The following SPAST variants were observed in gnomAD, a reference collection of about 807,000 sequenced individuals.
The protein encoded by SPAST is spastin.
A neutral mutation model predicts 76.6 loss-of-function variants in SPAST; 30 were observed. The observed-to-expected ratio is 0.39, with a 90% CI of 0.29 to 0.53. SPAST has a LOEUF of 0.53. Among genes scored for constraint, SPAST ranks in the 20% least tolerant of loss-of-function variants. SPAST has a pLI of 0.68. For missense variants in SPAST, 717 were observed against 770.5 expected (o/e 0.93, Z 0.82); for synonymous variants, 305 against 281.0 (o/e 1.09, Z -0.86).
chr2:32,076,180 C>T (rs1174517661), intron 1 of SPAST, among the ~76,000 whole-genome samples: 2 of 151,826 alleles, frequency 1.3e-5, no homozygotes, highest in Non-Finnish European at 2.9e-5. Flanking sequence ...GGATTATAGG[C>T]GTGAGTCGCT....
At chr2:32,126,645 A>AT (rs1194975479) in intron 7 of SPAST, 3,817 of 191,208 alleles carry the variant, frequency 0.02, 4 homozygotes, top group South Asian at 0.039. Flanking sequence ...CACCCAGCTA[A>AT]TTTTTTTTTT....
chr2:32,110,112 T>C (rs577862954), intron 4 of SPAST, among the ~76,000 whole-genome samples: 1 of 148,134 alleles, frequency 6.8e-6, no homozygotes, highest in African/African-American at 2.5e-5. Context: ...TTGTTTTTTT[T>C]TTTTGTTTTT....
In SPAST at chr2:32,116,174, T is replaced by G; in HGVS notation, c.1060T>G (p.Leu354Val). Reference protein sequence around the residue: ...IAGQDLAKQALQEIVILPSLR... With the variant: ...IAGQDLAKQAVQEIVILPSLR... ...TGGTCAAGACTTGGCAAAACAAGCA[T>G]TGCAAGAAATTGTTATTCTTCCTTC... Residue 354 changes from leucine (L) to valine (V), a missense_variant, in exon 7 of 17, where the codon TTG (leucine) becomes GTG (valine). Physicochemically the swap from Leu to Val is conservative, Grantham distance 32. Transcript: ENST00000315285. The G allele has an allele frequency of 6.2e-7, 1 of 1,613,488 alleles. No individual in the cohort carries two copies. The highest frequency in any genetic ancestry group is 8.5e-7 in the Non-Finnish European group (1 of 1,179,604).
intron 16 of SPAST, among the ~76,000 whole-genome samples, chr2:32,153,266 C>T (rs1680146490): frequency 6.6e-6 from 1 of 150,894 alleles, no homozygotes; most frequent in South Asian, 2.1e-4. Context: ...CAGGTATACG[C>T]TAGAAATGAT....
At chr2:32,136,996 G>C (rs1196670644) in intron 11 of SPAST, 28 bp downstream of exon 11, 1 of 1,561,780 alleles carries the variant, frequency 6.4e-7, no homozygotes, top group South Asian at 1.1e-5. Flanking sequence ...TATTTTTAAT[G>C]TGGCAGCATT....
intron 11 of SPAST, 67 bp downstream of exon 11, chr2:32,137,035 G>C: frequency 6.5e-7 from 1 of 1,542,488 alleles, no homozygotes; most frequent in Non-Finnish European, 8.9e-7. Context: ...AAATGGCCAA[G>C]GTTAAAAATA....
Position 32,097,838 on chromosome 2 carries a change from C to T in SPAST, c.587-958C>T, listed in dbSNP as rs143236526. ...CTTCCCGAGTAGTTGGGACTACAGG[C>T]GCGTGCCACCACGCCCGGATACTTT... is the stretch of plus-strand genomic sequence containing the variant. On this transcript the variant is annotated intron_variant, in intron 3 of 16. Transcript: ENST00000315285. Among the ~76,000 whole-genome samples, 101 of 152,010 alleles carry T rather than the reference C, an allele frequency of 6.6e-4. 3 individuals are homozygous for T. The East Asian group carries it at 0.018, about 27-fold the overall frequency.
At chr2:32,100,474 A>T (rs1376307780) in intron 4 of SPAST, among the ~76,000 whole-genome samples, 1 of 151,966 alleles carries the variant, frequency 6.6e-6, no homozygotes, top group African/African-American at 2.4e-5. Flanking sequence ...TATATTTTTA[A>T]TTACACTTTA....
chr2:32,098,179 C>T (rs72796857), intron 3 of SPAST, among the ~76,000 whole-genome samples: 3 of 151,846 alleles, frequency 2.0e-5, no homozygotes, highest in Non-Finnish European at 2.9e-5. Flanking sequence ...TTTTAATCTC[C>T]GTAGTGCCAG....
At position 32,154,587 on chromosome 2, in the gene SPAST, A is replaced by C. The variant is rs1178869271; in HGVS notation, c.*91A>C. On this transcript the variant is annotated 3_prime_UTR_variant, in exon 17 of 17. Transcript: ENST00000315285. ...CGTCATCGGCTACAGAAACAGCCTA[A>C]GTTTACAGGACTTTTTAGAGTCTTA... The C allele has an allele frequency of 1.5e-6, 2 of 1,338,516 alleles. No individual in the cohort carries two copies. The highest frequency in any genetic ancestry group is 1.4e-5 in the African/African-American group (1 of 69,216). The allele number at this position is 1,338,516 out of a possible 1,614,324, so 82.9% of individuals were successfully genotyped here. A position where few individuals can be genotyped will look rare whatever the true frequency, so the allele number is the denominator to read the frequency against.
intron 1 of SPAST, among the ~76,000 whole-genome samples, chr2:32,072,202 C>T (rs1471693198): frequency 8.1e-6 from 1 of 123,392 alleles, no homozygotes; most frequent in East Asian, 3.4e-4. Context: ...GCCACCATGC[C>T]CAGCTATTTT....
At position 32,083,776 on chromosome 2, in the gene SPAST, A is replaced by ATATTT. The variant is rs1553398791; in HGVS notation, c.416-3715_416-3714insATTTT. Among the ~76,000 whole-genome samples, 8 of 46,068 alleles carry ATATTT rather than the reference A, an allele frequency of 1.7e-4. 1 individual carries two copies. Among genetic ancestry groups the ATATTT allele is most frequent in the Non-Finnish European group, 2.2e-4 (6 of 26,750 alleles). 30.2% of individuals were successfully genotyped at this position (46,068 alleles called of 152,430 possible). A position where few individuals can be genotyped will look rare whatever the true frequency, so the allele number is the denominator to read the frequency against. Reference sequence around the variant, plus strand: ...TATATATATATATATATATATATATATTTTTTTTTTTTTTTGAGATGAAGT... The same window carrying ATATTT: ...TATATATATATATATATATATATATATATTTTTTTTTTTTTTTTTTGAGATGAAGT... On this transcript the variant is annotated intron_variant, in intron 1 of 16. Transcript: ENST00000315285.
chr2:32,106,928 A>G (rs1235261540), intron 4 of SPAST, among the ~76,000 whole-genome samples: 3 of 151,608 alleles, frequency 2.0e-5, no homozygotes, highest in Non-Finnish European at 2.9e-5. Context: ...TCCATCACAT[A>G]TAAATAGTTA....
At chr2:32,093,735 A>G (rs189497657) in intron 3 of SPAST, among the ~76,000 whole-genome samples, 1 of 152,298 alleles carries the variant, frequency 6.6e-6, no homozygotes, top group East Asian at 1.9e-4. Flanking sequence ...TGCCAAGTTA[A>G]TGAAGTTGTT....
At chr2:32,066,626 C>T (rs1676521821) in intron 1 of SPAST, among the ~76,000 whole-genome samples, 1 of 151,778 alleles carries the variant, frequency 6.6e-6, no homozygotes, top group Non-Finnish European at 1.5e-5. Flanking sequence ...CGAGATCGTG[C>T]CACTACACTC....
chr2:32,067,057 ATTT>A (rs954783788), intron 1 of SPAST, among the ~76,000 whole-genome samples: 1 of 151,284 alleles, frequency 6.6e-6, no homozygotes, highest in Non-Finnish European at 1.5e-5. Flanking sequence ...ATGCAAGGAA[ATTT>A]TTTTTATTTG....
At chr2:32,096,909 G>T (rs889409597) in intron 3 of SPAST, among the ~76,000 whole-genome samples, 1 of 151,186 alleles carries the variant, frequency 6.6e-6, no homozygotes, top group Non-Finnish European at 1.5e-5. Flanking sequence ...AAGGTATATT[G>T]TATCAGCCAG....
intron 9 of SPAST, among the ~76,000 whole-genome samples, chr2:32,132,251 C>T (rs1387351406): frequency 6.6e-6 from 1 of 151,934 alleles, no homozygotes; most frequent in African/African-American, 2.4e-5. Context: ...ATTAGTCGGG[C>T]GTGGTGGCGT....
intron 3 of SPAST, among the ~76,000 whole-genome samples, chr2:32,094,732 G>A (rs1677856555): frequency 6.6e-6 from 1 of 152,226 alleles, no homozygotes; most frequent in Non-Finnish European, 1.5e-5. Context: ...CTCTTTGGGA[G>A]GCTGAGGTGG....
Sources: gnomAD v4.1 joint callset for allele counts (sites outside exome capture counted in the v4.1 genomes callset) on GRCh38, gnomAD v4.1.1 for gene constraint, MANE v1.5 for transcripts, NCBI Gene and HGNC (gene_info 2026-07-23, HGNC 2026-07-21) for gene names.